Variants in CSMD2 observed in about 807,000 individuals in gnomAD.
CSMD2 encodes the protein CUB and sushi domain-containing protein 2.
Under a neutral mutation model 398.5 loss-of-function variants are expected in CSMD2, and 130 were observed. The observed-to-expected ratio is 0.33, with a 90% CI of 0.28 to 0.38. The LOEUF (loss-of-function observed/expected upper bound fraction) is 0.38. CSMD2 is among the 10% of genes least tolerant of loss of function. The pLI is 1.00. For missense variants in CSMD2, 3,829 were observed against 4,764.9 expected (o/e 0.80, Z 5.78); for synonymous variants, 1,828 against 1,908.5 (o/e 0.96, Z 1.10).
At chr1:33,713,267 C>T (rs1646051420) in intron 21 of CSMD2, among the ~76,000 whole-genome samples, 1 of 152,208 alleles carries the variant, frequency 6.6e-6, no homozygotes, top group East Asian at 1.9e-4. Context: ...CTAAGCTGTC[C>T]TCGGCATAGC....
At position 33,537,517 on chromosome 1, in the gene CSMD2, G is replaced by A. The variant is rs1184229486; in HGVS notation, c.9724C>T (p.Pro3242Ser). The change falls in exon 61 of 71, where the codon CCC (proline) becomes TCC (serine). Residue 3242 changes from proline to serine, a missense_variant. Transcript: ENST00000373381. This position sits in a 1 kb window ranked among gnomAD's most constrained non-coding sequence, Gnocchi z 4.6. Reference sequence around the variant, plus strand: ...GGAGAGCCCACCAGCACCAGAGGGGGATGGCAGGAGAAGGAGACAGATGAC... The same window carrying A: ...GGAGAGCCCACCAGCACCAGAGGGGAATGGCAGGAGAAGGAGACAGATGAC... ...YRSSVSFSCH[P>S]PLVLVGSPRR... 1 of 1,614,170 alleles carries A rather than the reference G, an allele frequency of 6.2e-7. No individual in the cohort carries two copies. The highest frequency in any genetic ancestry group is 1.3e-5 in the African/African-American group (1 of 75,050).
intron 5 of CSMD2, among the ~76,000 whole-genome samples, chr1:33,872,422 C>A (rs748362564): frequency 6.6e-6 from 1 of 152,050 alleles, no homozygotes; most frequent in Non-Finnish European, 1.5e-5. Context: ...TTGGTTAAGA[C>A]TTCAGAAAGA....
rs958166856 is a variant in CSMD2 at position 33,749,028 on chromosome 1, A to G, written c.1847-5422T>C. 2.6e-5 allele frequency among the ~76,000 whole-genome samples: 4 copies of G among 152,158 alleles called. No homozygotes were observed. In the East Asian group the frequency reaches 5.8e-4, roughly 22 times the overall value. ...AAAATCCATAATCACTTAAAAATTC[A>G]TAAAACTCTTTCCAAATAAGTTCCT... On this transcript the variant is annotated intron_variant, in intron 13 of 70. Coordinates refer to ENST00000373381, the MANE Select transcript of CSMD2 (RefSeq NM_001281956.2).
At chr1:33,937,025 T>A (rs1644502334) in intron 3 of CSMD2, among the ~76,000 whole-genome samples, 1 of 152,212 alleles carries the variant, frequency 6.6e-6, no homozygotes, top group African/African-American at 2.4e-5. Flanking sequence ...TGTGGGACCG[T>A]GAGTAAGTCT....
intron 13 of CSMD2, among the ~76,000 whole-genome samples, chr1:33,760,201 C>T (rs1345721111): frequency 2.6e-5 from 4 of 152,212 alleles, no homozygotes; most frequent in Admixed American, 6.5e-5. Context: ...ATGCATTGTC[C>T]CCACCAAACC....
At chr1:33,873,502 A>T (rs537966719) in intron 5 of CSMD2, 60 of 152,340 alleles carry the variant, frequency 3.9e-4, no homozygotes, top group African/African-American at 1.4e-3. Flanking sequence ...CTTCTGTCTT[A>T]TCCTCTCTCT....
intron 22 of CSMD2, among the ~76,000 whole-genome samples, chr1:33,706,984 CCCT>C (rs1177659041): frequency 1.3e-5 from 2 of 152,096 alleles, no homozygotes; most frequent in Non-Finnish European, 2.9e-5. Flanking sequence ...TGCCCCATGT[CCCT>C]CCTCCTTTCT....
At chr1:33,690,055 C>T (rs920397209) in intron 25 of CSMD2, among the ~76,000 whole-genome samples, 2 of 152,178 alleles carry the variant, frequency 1.3e-5, no homozygotes, top group Non-Finnish European at 2.9e-5. Flanking sequence ...GCAGCTTCCT[C>T]ACTGCGCTTA....
intron 17 of CSMD2, 75 bp downstream of exon 17, chr1:33,725,274 G>T: frequency 7.9e-7 from 1 of 1,272,626 alleles, no homozygotes. Flanking sequence ...GGCCTGTGGT[G>T]GAGCACAGTC....
At chr1:34,136,122 T>C (rs1438411773) in intron 1 of CSMD2, among the ~76,000 whole-genome samples, 1 of 152,230 alleles carries the variant, frequency 6.6e-6, no homozygotes, top group African/African-American at 2.4e-5. Context: ...ATCCAGGCCC[T>C]GCCTGAGAAA....
At chr1:34,134,086 C>T (rs1384281380) in intron 1 of CSMD2, among the ~76,000 whole-genome samples, 1 of 147,272 alleles carries the variant, frequency 6.8e-6, no homozygotes, top group East Asian at 2.0e-4. Flanking sequence ...AAATACTGAG[C>T]AGCTCTGGCA....
At chr1:34,158,195 C>A (rs779752847) in intron 1 of CSMD2, among the ~76,000 whole-genome samples, 1 of 152,186 alleles carries the variant, frequency 6.6e-6, no homozygotes, top group African/African-American at 2.4e-5. Flanking sequence ...GAAACTCCCA[C>A]GTTGCATAGC....
chr1:33,624,785 C>G lies in CSMD2; in HGVS notation c.5501-142G>C, dbSNP rs1319325104. 1 of 1,154,972 alleles carries G rather than the reference C, an allele frequency of 8.7e-7. No individual in the cohort carries two copies. 71.5% of individuals were successfully genotyped at this position (1,154,972 alleles called of 1,614,324 possible). ...TCCCTAATGTCCCCAGTCCTGCCTT[C>G]TCCACGGCCTCTCCCCATGCAACTC... On this transcript the variant is annotated intron_variant, in intron 34 of 70. Transcript: ENST00000373381. The surrounding 1 kb of genome is among the most constrained non-coding windows in gnomAD (Gnocchi z 4.7).
At chr1:33,634,476 C>G (rs552517627) in intron 31 of CSMD2, among the ~76,000 whole-genome samples, 25 of 152,288 alleles carry the variant, frequency 1.6e-4, no homozygotes, top group African/African-American at 5.5e-4. Context: ...TTGCCACATC[C>G]AACATCAATT....
chr1:33,546,997 T>C (rs1202444723), intron 56 of CSMD2, among the ~76,000 whole-genome samples: 1 of 152,204 alleles, frequency 6.6e-6, no homozygotes, highest in East Asian at 1.9e-4. Context: ...TAGGAGAGAA[T>C]TTTAAATGTT....
Position 33,774,175 on chromosome 1 carries a change from C to T in CSMD2, c.1664-1424G>A, listed in dbSNP as rs1422749402. 3.3e-5 allele frequency among the ~76,000 whole-genome samples: 5 copies of T among 150,474 alleles called. No homozygotes were observed. In the East Asian group the frequency reaches 9.8e-4, roughly 30 times the overall value. On this transcript the variant is annotated intron_variant, in intron 12 of 70. Coordinates refer to ENST00000373381, the MANE Select transcript of CSMD2 (RefSeq NM_001281956.2). The stretch of plus-strand genomic sequence containing the variant: ...ATCATCTAAGTTGAACAACAAGGGT[C>T]CTCCCCTTTGTGCAGGGGAGTCTGT...
chr1:33,957,304 T>C (rs764253388), intron 3 of CSMD2, among the ~76,000 whole-genome samples: 1 of 152,182 alleles, frequency 6.6e-6, no homozygotes, highest in Admixed American at 6.5e-5. Context: ...ACTTGTTGAA[T>C]GAACTGACAA....
rs1178716882 is a variant in CSMD2 at position 33,867,013 on chromosome 1, G to C, written c.921-20017C>G. 2.0e-5 allele frequency among the ~76,000 whole-genome samples: 3 copies of C among 152,308 alleles called. No individual in the cohort carries two copies. The East Asian group carries it at 5.8e-4, about 29-fold the overall frequency. On this transcript the variant is annotated intron_variant, in intron 5 of 70. Transcript: ENST00000373381. ...TCCATAATCCTTTCCTCCTTTCTTG[G>C]TGTTCACACCCTTGTATAATCCCCT...
chr1:33,833,776 C>T (rs1352086042), intron 6 of CSMD2, among the ~76,000 whole-genome samples: 2 of 152,126 alleles, frequency 1.3e-5, no homozygotes, highest in South Asian at 2.1e-4. Flanking sequence ...CCAAAATCTC[C>T]TTAAGCTGAT....
Sources: gnomAD v4.1 joint callset for allele counts (sites outside exome capture counted in the v4.1 genomes callset) on GRCh38, gnomAD v4.1.1 for gene constraint, Gnocchi (gnomAD v3.1) non-coding constraint, MANE v1.5 for transcripts, NCBI Gene and HGNC (gene_info 2026-07-23, HGNC 2026-07-21) for gene names.